The following SCYL2 variants were observed in gnomAD, a reference collection of about 807,000 sequenced individuals.
SCYL2 encodes the protein SCY1 like pseudokinase 2.
In SCYL2, 36 loss-of-function variants were observed where a neutral mutation model predicts 100.4. The observed-to-expected ratio is 0.36, with a 90% CI of 0.27 to 0.47. The LOEUF (loss-of-function observed/expected upper bound fraction) is 0.47. SCYL2 is among the 20% of genes least tolerant of loss of function. SCYL2 has a pLI of 1.00. For synonymous variants in SCYL2, 330 were observed against 359.2 expected, an observed-to-expected ratio of 0.92 and a Z score of 0.92; for missense variants, 902 against 1,083.9, an observed-to-expected ratio of 0.83 and a Z score of 2.36.
At chr12:100,335,550 AAAT>A in intron 14 of SCYL2, 72 bp from the exon 15 acceptor site, 1 of 1,057,170 alleles carries the variant, frequency 9.5e-7, no homozygotes, top group Non-Finnish European at 1.4e-6. Context: ...CCATGTGAAT[AAAT>A]AATTTTTGGC....
At chr12:100,311,914 G>A (rs1225139725) in intron 5 of SCYL2, among the ~76,000 whole-genome samples, 1 of 152,138 alleles carries the variant, frequency 6.6e-6, no homozygotes, top group Non-Finnish European at 1.5e-5. Flanking sequence ...GAGGGCCTGT[G>A]ATTTGACCTA....
chr12:100,288,363 G>A (rs1201998898), intron 2 of SCYL2, among the ~76,000 whole-genome samples: 1 of 151,686 alleles, frequency 6.6e-6, no homozygotes, highest in Non-Finnish European at 1.5e-5. Context: ...GCCCAGGTTG[G>A]TCTCAAGCCC....
chr12:100,324,187 G>C (rs2096359282), intron 11 of SCYL2, among the ~76,000 whole-genome samples: 1 of 152,098 alleles, frequency 6.6e-6, no homozygotes, highest in East Asian at 1.9e-4. Context: ...TTAACATTCA[G>C]TTACTTGTTA....
At chr12:100,292,887 A>T (rs1044647575) in intron 3 of SCYL2, among the ~76,000 whole-genome samples, 1 of 152,210 alleles carries the variant, frequency 6.6e-6, no homozygotes, top group African/African-American at 2.4e-5. Context: ...GTGCCATCAT[A>T]GCTCACTGCA....
chr12:100,271,087 T>A (rs1357762966), intron 1 of SCYL2, among the ~76,000 whole-genome samples: 2 of 152,100 alleles, frequency 1.3e-5, no homozygotes, highest in Non-Finnish European at 2.9e-5. Flanking sequence ...CTGTATAAGA[T>A]TAAACATGAT....
chr12:100,322,168 C>CAG (rs1310111516), intron 10 of SCYL2, among the ~76,000 whole-genome samples: 1 of 150,626 alleles, frequency 6.6e-6, no homozygotes, highest in Non-Finnish European at 1.5e-5. Context: ...GTCAGGAGAT[C>CAG]GAGACCATCC....
rs2070226248 is a variant in SCYL2, at chr12:100,298,077, A to G, written c.382A>G (p.Asn128Asp). Residue 128 changes from asparagine (N) to aspartate (D), a missense_variant, in exon 4 of 18, where the codon AAT becomes GAT. Transcript: ENST00000360820. ...CTEPVFASLANVLGNWENLPS... is the reference protein window; with the variant it reads ...CTEPVFASLADVLGNWENLPS... ...AGAACCAGTTTTTGCCAGTTTAGCCAATGTTCTTGGTAACTGGGAAAATCT... is the reference window on the plus strand; with the variant it reads ...AGAACCAGTTTTTGCCAGTTTAGCCGATGTTCTTGGTAACTGGGAAAATCT... The G allele has an allele frequency of 6.2e-7, 1 of 1,611,880 alleles. No homozygotes were observed. Among genetic ancestry groups the G allele is most frequent in the Non-Finnish European group, 8.5e-7 (1 of 1,179,168 alleles).
chr12:100,320,549 A>AAAAT (rs10644195), intron 10 of SCYL2, among the ~76,000 whole-genome samples: 59,332 of 139,478 alleles, frequency 0.43, 13,362 homozygotes, highest in East Asian at 0.75. Flanking sequence ...CTCCGTCTCA[A>AAAAT]AAATAAATAA....
chr12:100,287,382 C>A (rs2096305529), intron 2 of SCYL2, among the ~76,000 whole-genome samples: 1 of 152,060 alleles, frequency 6.6e-6, no homozygotes, highest in Non-Finnish European at 1.5e-5. Flanking sequence ...CAGCCTTGAC[C>A]TCCTGGGCTC....
chr12:100,274,404 T>G (rs2096290553), intron 1 of SCYL2, among the ~76,000 whole-genome samples: 1 of 152,120 alleles, frequency 6.6e-6, no homozygotes, highest in African/African-American at 2.4e-5. Context: ...AACCTTGGAG[T>G]TTATCAATTG....
At chr12:100,319,287 G>T (rs1441139265) in intron 10 of SCYL2, 2 of 455,716 alleles carry the variant, frequency 4.4e-6, no homozygotes, top group African/African-American at 2.0e-5. Context: ...AGTGGGGAAG[G>T]TGTGTCTACC....
intron 5 of SCYL2, among the ~76,000 whole-genome samples, chr12:100,311,633 T>A (rs2096342311): frequency 6.6e-6 from 1 of 152,176 alleles, no homozygotes; most frequent in Admixed American, 6.5e-5. Flanking sequence ...GGTATAGGAA[T>A]AATACAGATA....
intron 4 of SCYL2, among the ~76,000 whole-genome samples, chr12:100,299,943 T>C (rs1015607863): frequency 2.0e-5 from 3 of 152,232 alleles, no homozygotes; most frequent in African/African-American, 7.2e-5. Context: ...GATACTGTTT[T>C]CCATAGTGGT....
rs1317966940 is a variant in SCYL2, at chr12:100,312,658, T to A, written c.852+5T>A. On this transcript the variant is annotated splice_donor_5th_base_variant and intron_variant, in intron 6 of 17. Transcript: ENST00000360820. ...TTCAGTAGGCAGTTGGATCAGGTAT[T>A]TGCCTATAAATAATTTGCTTGCATT... 6.3e-7 allele frequency: 1 copy of A among 1,593,146 alleles called. No individual in the cohort carries two copies. The highest frequency in any genetic ancestry group is 1.3e-5 in the African/African-American group (1 of 74,152).
At chr12:100,286,234 G>A (rs2096304269) in intron 2 of SCYL2, among the ~76,000 whole-genome samples, 1 of 152,006 alleles carries the variant, frequency 6.6e-6, no homozygotes, top group African/African-American at 2.4e-5. Context: ...TTTTGGGAGA[G>A]GATGTTTAAA....
intron 2 of SCYL2, among the ~76,000 whole-genome samples, chr12:100,290,096 T>C (rs1228163350): frequency 6.6e-6 from 1 of 152,216 alleles, no homozygotes; most frequent in Non-Finnish European, 1.5e-5. Context: ...AATAAGTTCT[T>C]TTTATATTAC....
Position 100,291,764 on chromosome 12 carries a change from T to C in SCYL2, c.335+104T>C, listed in dbSNP as rs1035767180. ...AAGTATTGTCAGTGAAAAATTCTTATACTCTAAGTGTTGAGTTCTTATGCA... is the reference window on the plus strand; with the variant it reads ...AAGTATTGTCAGTGAAAAATTCTTACACTCTAAGTGTTGAGTTCTTATGCA... On this transcript the variant is annotated intron_variant, in intron 3 of 17. Transcript: ENST00000360820. 7 of 1,120,770 alleles carry C rather than the reference T, an allele frequency of 6.2e-6. No homozygotes were observed. In the Admixed American group the frequency reaches 1.8e-4, roughly 29 times the overall value. 69.4% of individuals were successfully genotyped at this position (1,120,770 alleles called of 1,614,324 possible).
At chr12:100,271,281 A>AAAAAAAAAG (rs869276181) in intron 1 of SCYL2, among the ~76,000 whole-genome samples, 17 of 128,898 alleles carry the variant, frequency 1.3e-4, no homozygotes, top group African/African-American at 2.8e-4. Flanking sequence ...AAAAAAAAAA[A>AAAAAAAAAG]AGAGAGAGAG....
In SCYL2 at chr12:100,267,772, T is replaced by C. The variant is rs1425934987; in HGVS notation, c.-49T>C. ...AGAACGTAGTACCTTTCGGGGACAT[T>C]GGACACTACTCTAGGACCGGGTGAG... is the stretch of plus-strand genomic sequence containing the variant. On this transcript the variant is annotated 5_prime_UTR_variant, in exon 1 of 18. Transcript: ENST00000360820. 1 of 152,104 alleles carries C rather than the reference T, an allele frequency of 6.6e-6. No individual in the cohort carries two copies. The highest frequency in any genetic ancestry group is 2.4e-5 in the African/African-American group (1 of 41,402). The allele number at this position is 152,104 out of a possible 1,614,324, so 9.4% of individuals were successfully genotyped here. A position where few individuals can be genotyped will look rare whatever the true frequency, so the allele number is the denominator to read the frequency against.
Sources: gnomAD v4.1 joint callset for allele counts (sites outside exome capture counted in the v4.1 genomes callset) on GRCh38, gnomAD v4.1.1 for gene constraint, MANE v1.5 for transcripts, NCBI Gene and HGNC (gene_info 2026-07-23, HGNC 2026-07-21) for gene names.